Variants in TMX3 observed in about 807,000 individuals in gnomAD.
The protein encoded by TMX3 is thioredoxin related transmembrane protein 3, also known as protein disulfide-isomerase TMX3.
A neutral mutation model predicts 64.4 loss-of-function variants in TMX3; 40 were observed. The ratio of observed to expected loss-of-function variants is 0.62; its 90% CI spans 0.48 to 0.81. TMX3 has a LOEUF of 0.81. Among genes scored for constraint, TMX3 ranks in the 30% least tolerant of loss-of-function variants. The pLI, the probability that TMX3 is intolerant of heterozygous loss-of-function variation, is 0.00. For synonymous variants in TMX3, 189 were observed against 175.7 expected (o/e 1.08, Z -0.60); for missense variants, 497 against 534.5 (o/e 0.93, Z 0.69).
chr18:68,691,594 G>T (rs755895243), intron 8 of TMX3, among the ~76,000 whole-genome samples: 28 of 152,168 alleles, frequency 1.8e-4, no homozygotes, highest in Non-Finnish European at 3.2e-4. Context: ...AAAAACCATG[G>T]ATTATTCTTA....
At chr18:68,707,494 A>G (rs985622996) in intron 4 of TMX3, among the ~76,000 whole-genome samples, 3 of 152,230 alleles carry the variant, frequency 2.0e-5, no homozygotes, top group Non-Finnish European at 4.4e-5. Context: ...TGAATAAACT[A>G]ATGAATTAGA....
chr18:68,685,335 A>G (rs1913839349), intron 10 of TMX3, among the ~76,000 whole-genome samples: 1 of 152,216 alleles, frequency 6.6e-6, no homozygotes, highest in Non-Finnish European at 1.5e-5. Context: ...TTTCAGTATT[A>G]TCCCTGCATT....
chr18:68,701,716 C>CACAT (rs1484906314), intron 5 of TMX3, 29 bp downstream of exon 5: 1 of 1,610,470 alleles, frequency 6.2e-7, no homozygotes, highest in Non-Finnish European at 8.5e-7. Context: ...AATAAAAATA[C>CACAT]ACATATAAAC....
chr18:68,683,027 G>C (rs8083026), intron 12 of TMX3, 46 bp from the exon 13 acceptor site: 5 of 1,542,452 alleles, frequency 3.2e-6, no homozygotes, highest in Admixed American at 1.7e-5. Context: ...GAGAGGGGGT[G>C]GGGGGAGAGA....
intron 4 of TMX3, 121 bp downstream of exon 4, chr18:68,709,900 A>T (rs1412836608): frequency 1.1e-6 from 1 of 900,168 alleles, no homozygotes; most frequent in East Asian, 2.9e-5. Context: ...ACAGTCTTAA[A>T]TTATTAAGTT....
chr18:68,715,107 C>A lies in TMX3; in HGVS notation c.-126G>T. On this transcript the variant is annotated 5_prime_UTR_variant, in exon 1 of 16. Coordinates refer to ENST00000299608, the MANE Select transcript of TMX3 (RefSeq NM_019022.5). ...GAGCGGAAGAGAAGCACCGCGCTAACTACGGGGGCGGGGCTACCCGGCCAG... is the reference window on the plus strand; with the variant it reads ...GAGCGGAAGAGAAGCACCGCGCTAAATACGGGGGCGGGGCTACCCGGCCAG... 4 of 1,506,306 alleles carry A rather than the reference C, an allele frequency of 2.7e-6. No individual in the cohort carries two copies. The highest frequency in any genetic ancestry group is 3.6e-6 in the Non-Finnish European group (4 of 1,123,908). The allele number at this position is 1,506,306 out of a possible 1,614,324, so 93.3% of individuals were successfully genotyped here. A position where few individuals can be genotyped will look rare whatever the true frequency, so the allele number is the denominator to read the frequency against.
chr18:68,708,534 C>T (rs905645233), intron 4 of TMX3, among the ~76,000 whole-genome samples: 2 of 151,996 alleles, frequency 1.3e-5, no homozygotes, highest in African/African-American at 4.8e-5. Context: ...TGAAAATTAC[C>T]GTTTCCATTG....
At chr18:68,686,863 A>G (rs1211451491) in intron 10 of TMX3, 1 of 985,238 alleles carries the variant, frequency 1.0e-6, no homozygotes, top group Non-Finnish European at 1.2e-6. Context: ...ACAGAACAGA[A>G]ATATCCCCCA....
At chr18:68,699,752 T>C (rs569900640) in intron 6 of TMX3, among the ~76,000 whole-genome samples, 1 of 152,140 alleles carries the variant, frequency 6.6e-6, no homozygotes, top group Non-Finnish European at 1.5e-5. Context: ...CCCATCAAAA[T>C]GTAGATTTAA....
chr18:68,699,322 T>G (rs902442676), intron 6 of TMX3, among the ~76,000 whole-genome samples: 7 of 152,104 alleles, frequency 4.6e-5, no homozygotes, highest in African/African-American at 1.7e-4. Context: ...TCATTAAAAA[T>G]TTCTCAAACA....
At chr18:68,701,930 A>G in intron 4 of TMX3, 140 bp from the exon 5 acceptor site, 1 of 600,448 alleles carries the variant, frequency 1.7e-6, no homozygotes, top group Non-Finnish European at 2.8e-6. Context: ...AAGATTATAA[A>G]ATCACACAAA....
intron 8 of TMX3, among the ~76,000 whole-genome samples, chr18:68,693,560 G>C (rs1051009475): frequency 6.6e-6 from 1 of 151,904 alleles, no homozygotes; most frequent in Non-Finnish European, 1.5e-5. Flanking sequence ...ACTTAGCCGG[G>C]TGTGTGTGTG....
At chr18:68,695,844 A>G (rs1313489611) in intron 8 of TMX3, among the ~76,000 whole-genome samples, 1 of 152,124 alleles carries the variant, frequency 6.6e-6, no homozygotes, top group African/African-American at 2.4e-5. Flanking sequence ...TTCTTCACCA[A>G]CTTCAACCTC....
At chr18:68,683,026 TG>T (rs760826442) in intron 12 of TMX3, 45 bp from the exon 13 acceptor site, 3 of 1,548,768 alleles carry the variant, frequency 1.9e-6, no homozygotes, top group Admixed American at 1.7e-5. Context: ...GGAGAGGGGG[TG>T]GGGGGAGAGA....
intron 8 of TMX3, 93 bp from the exon 9 acceptor site, chr18:68,691,454 A>C (rs966166137): frequency 1.4e-6 from 1 of 728,002 alleles, no homozygotes; most frequent in Non-Finnish European, 2.1e-6. Flanking sequence ...CAGAAAACTC[A>C]AACACACATA....
intron 15 of TMX3, among the ~76,000 whole-genome samples, chr18:68,677,767 T>C (rs1913061614): frequency 6.6e-6 from 1 of 152,036 alleles, no homozygotes; most frequent in African/African-American, 2.4e-5. Flanking sequence ...ACTGCATGAA[T>C]TGCAACGATA....
intron 5 of TMX3, 75 bp from the exon 6 acceptor site, chr18:68,700,560 G>A (rs2029944837): frequency 2.6e-6 from 3 of 1,148,450 alleles, no homozygotes; most frequent in Non-Finnish European, 3.6e-6. Context: ...ATTATCTATT[G>A]TTTCATAAAA....
At position 68,710,058 on chromosome 18, in the gene TMX3, T is replaced by G. The variant is rs749692424; in HGVS notation, c.228A>C (p.Pro76=). 3.3e-5 allele frequency: 53 copies of G among 1,600,216 alleles called. No individual in the cohort carries two copies. The highest frequency in any genetic ancestry group is 2.3e-4 in the Admixed American group (13 of 57,482). The change falls in exon 4 of 16, where the codon CCA becomes CCC. Residue 76 remains proline (P), a synonymous_variant. Transcript: ENST00000299608. ...TAGCATCCATCTTTCCAACCTTAAC[T>G]GGAGAACCAATGCTTTTCATCTCAA... ...VGLEMKSIGS[P]VKVGKMDATS... is the part of the protein sequence containing the mutation.
intron 10 of TMX3, among the ~76,000 whole-genome samples, chr18:68,684,696 C>G (rs1326340429): frequency 6.6e-6 from 1 of 152,128 alleles, no homozygotes; most frequent in Non-Finnish European, 1.5e-5. Flanking sequence ...AAATTCCCTT[C>G]CACGTCCCAC....
Sources: gnomAD v4.1 joint callset for allele counts (sites outside exome capture counted in the v4.1 genomes callset) on GRCh38, gnomAD v4.1.1 for gene constraint, MANE v1.5 for transcripts, NCBI Gene and HGNC (gene_info 2026-07-23, HGNC 2026-07-21) for gene names.